PTPRO: variants seen among roughly 807,000 people sequenced by gnomAD.
PTPRO encodes receptor-type tyrosine-protein phosphatase O.
A neutral mutation model predicts 145.2 loss-of-function variants in PTPRO; 62 were observed. That is an observed-to-expected ratio of 0.43 (90% confidence interval 0.35 to 0.53). The LOEUF (loss-of-function observed/expected upper bound fraction) is 0.53. Ranked by LOEUF, PTPRO falls within the 20% of genes least tolerant of loss-of-function variation. PTPRO has a pLI of 0.01. For missense variants in PTPRO, 1,345 were observed against 1,482.7 expected, an observed-to-expected ratio of 0.91 and a Z score of 1.53; for synonymous variants, 565 against 514.7, an observed-to-expected ratio of 1.10 and a Z score of -1.32.
At chr12:15,525,970 C>T (rs1161068393) in intron 11 of PTPRO, among the ~76,000 whole-genome samples, 172 bp from the exon 12 acceptor site, 1 of 152,114 alleles carries the variant, frequency 6.6e-6, no homozygotes, top group Non-Finnish European at 1.5e-5. Flanking sequence ...TTGGGCCCAG[C>T]TGAGGAATTT....
intron 1 of PTPRO, among the ~76,000 whole-genome samples, chr12:15,351,103 G>A (rs1229964676): frequency 1.3e-5 from 2 of 152,062 alleles, no homozygotes; most frequent in East Asian, 1.9e-4. Flanking sequence ...GACCATACAA[G>A]TTTTTGGATT....
intron 1 of PTPRO, chr12:15,440,141 G>A (rs1940720590): frequency 1.5e-6 from 1 of 652,862 alleles, no homozygotes. Context: ...CATCATCTCA[G>A]CCCCTGTGCC....
intron 15 of PTPRO, 44 bp from the exon 16 acceptor site, chr12:15,557,411 C>T: frequency 6.6e-7 from 1 of 1,519,096 alleles, no homozygotes; most frequent in Non-Finnish European, 9.1e-7. Flanking sequence ...CGTAAGAATG[C>T]TTTGTCAAGC....
At chr12:15,427,483 T>C (rs1940316018) in intron 1 of PTPRO, among the ~76,000 whole-genome samples, 1 of 151,808 alleles carries the variant, frequency 6.6e-6, no homozygotes, top group African/African-American at 2.4e-5. Flanking sequence ...TTATTAATTC[T>C]AGTGGTTTTT....
intron 1 of PTPRO, among the ~76,000 whole-genome samples, chr12:15,382,524 G>T (rs985200394): frequency 6.6e-6 from 1 of 152,140 alleles, no homozygotes; most frequent in African/African-American, 2.4e-5. Flanking sequence ...TGTCCATCTC[G>T]ACTTCTCAGA....
intron 10 of PTPRO, 27 bp downstream of exon 10, chr12:15,520,339 A>G: frequency 6.6e-7 from 1 of 1,520,720 alleles, no homozygotes; most frequent in East Asian, 2.3e-5. Context: ...GAACAGTTCC[A>G]CAAGGAGAGA....
chr12:15,522,999 C>T (rs963995934), intron 10 of PTPRO, among the ~76,000 whole-genome samples: 1 of 152,092 alleles, frequency 6.6e-6, no homozygotes, highest in East Asian at 1.9e-4. Flanking sequence ...TATAAGGAAG[C>T]CAAGGTTATT....
At chr12:15,377,520 GA>G (rs958744380) in intron 1 of PTPRO, among the ~76,000 whole-genome samples, 1 of 143,568 alleles carries the variant, frequency 7.0e-6, no homozygotes, top group Non-Finnish European at 1.5e-5. Flanking sequence ...AGAATTAAAG[GA>G]AAAATATAAA....
chr12:15,322,756 C>T lies in PTPRO; in HGVS notation c.30C>T (p.Gly10=). 2.5e-6 allele frequency: 4 copies of T among 1,611,862 alleles called. No homozygotes were observed. Among genetic ancestry groups the T allele is most frequent in the Non-Finnish European group, 3.4e-6 (4 of 1,179,342 alleles). MGHLPTGIH[G]ARRLLPLLWL... is the part of the protein sequence containing the mutation. ...GGCACCTGCCCACGGGGATACACGG[C>T]GCCCGCCGCCTCCTGCCTCTGCTCT... is the stretch of plus-strand genomic sequence containing the variant. The change falls in exon 1 of 27, where the codon GGC becomes GGT. Residue 10 remains glycine, a synonymous_variant. Coordinates refer to ENST00000281171, the MANE Select transcript of PTPRO (RefSeq NM_030667.3). The surrounding 1 kb of genome is among the most constrained non-coding windows in gnomAD (Gnocchi z 6.3).
intron 1 of PTPRO, among the ~76,000 whole-genome samples, chr12:15,462,120 T>C (rs1368419366): frequency 6.6e-6 from 1 of 152,138 alleles, no homozygotes; most frequent in African/African-American, 2.4e-5. Context: ...CTTAGCTTAA[T>C]GTTGCTCATC....
At chr12:15,505,453 G>C (rs1942302238) in intron 6 of PTPRO, among the ~76,000 whole-genome samples, 1 of 152,180 alleles carries the variant, frequency 6.6e-6, no homozygotes, top group South Asian at 2.1e-4. Context: ...AGTATCTAAA[G>C]CGACTAGTGC....
chr12:15,468,706 A>C (rs533493336), intron 1 of PTPRO, among the ~76,000 whole-genome samples: 70 of 152,336 alleles, frequency 4.6e-4, no homozygotes, highest in African/African-American at 1.7e-3. Context: ...CTAGAACAGA[A>C]ACCAGATTTC....
intron 1 of PTPRO, among the ~76,000 whole-genome samples, chr12:15,386,895 T>C (rs1169213304): frequency 6.6e-6 from 1 of 152,216 alleles, no homozygotes; most frequent in African/African-American, 2.4e-5. Context: ...AGGCTCTTGT[T>C]TCTCCAAAAC....
chr12:15,502,094 A>G, intron 5 of PTPRO, 31 bp downstream of exon 5: 1 of 1,557,948 alleles, frequency 6.4e-7, no homozygotes, highest in Non-Finnish European at 8.9e-7. Context: ...AGGAAATAAG[A>G]ACTGATACAA....
At chr12:15,573,311 A>C (rs1944102179) in intron 19 of PTPRO, among the ~76,000 whole-genome samples, 1 of 152,162 alleles carries the variant, frequency 6.6e-6, no homozygotes, top group South Asian at 2.1e-4. Flanking sequence ...GATGAGGCCC[A>C]GCCACATTAC....
chr12:15,481,226 G>A (rs866825658), intron 1 of PTPRO, among the ~76,000 whole-genome samples: 2 of 152,120 alleles, frequency 1.3e-5, no homozygotes, highest in African/African-American at 4.8e-5. Context: ...ATATAGCATG[G>A]TTCATATTTT....
chr12:15,556,795 C>T (rs1726987472), intron 15 of PTPRO, among the ~76,000 whole-genome samples: 1 of 152,068 alleles, frequency 6.6e-6, no homozygotes, highest in Admixed American at 6.5e-5. Context: ...AGGAGAGTTT[C>T]TATGTTACTA....
rs1442052652 is a variant in PTPRO, at chr12:15,595,028, T to G, written c.3638T>G (p.Val1213Gly). Residue 1213 changes from valine to glycine, a missense_variant, in exon 26 of 27, where the codon GTT becomes GGT. Around this residue, in one of 3 missense-constraint regions of PTPRO, gnomAD observed 208 missense variants for 242.8 expected, o/e 0.86. Transcript: ENST00000281171. ...FCISDVIYEN[V>G]SKS ...ATCAGTGATGTCATATACGAGAATG[T>G]TAGCAAGTCCTAGTTCAGAATCCGG... 1 of 1,613,530 alleles carries G rather than the reference T, an allele frequency of 6.2e-7. No homozygotes were observed. Among genetic ancestry groups the G allele is most frequent in the African/African-American group, 1.3e-5 (1 of 75,052 alleles).
intron 15 of PTPRO, among the ~76,000 whole-genome samples, chr12:15,555,832 T>C (rs1943607206): frequency 6.6e-6 from 1 of 152,248 alleles, no homozygotes; most frequent in Non-Finnish European, 1.5e-5. Flanking sequence ...TACAACTATA[T>C]TGAAATATGA....
Sources: allele counts gnomAD v4.1 joint callset (sites outside exome capture counted in the v4.1 genomes callset), GRCh38; gene constraint gnomAD v4.1.1; regional missense constraint gnomAD v4.1.1; non-coding constraint Gnocchi (gnomAD v3.1); transcripts MANE v1.5; gene names NCBI Gene and HGNC (gene_info 2026-07-23, HGNC 2026-07-21).